PCDH9: variants seen among roughly 807,000 people sequenced by gnomAD.
PCDH9 encodes protocadherin 9.
A neutral mutation model predicts 70.6 loss-of-function variants in PCDH9; 24 were observed. The ratio of observed to expected loss-of-function variants is 0.34; its 90% CI spans 0.25 to 0.48. PCDH9 has a LOEUF of 0.48. Among genes scored for constraint, PCDH9 ranks in the 20% least tolerant of loss-of-function variants. The pLI is 0.99. For synonymous variants in PCDH9, 562 were observed against 558.5 expected, an observed-to-expected ratio of 1.01 and a Z score of -0.09; for missense variants, 1,281 against 1,503.6, an observed-to-expected ratio of 0.85 and a Z score of 2.45.
intron 2 of PCDH9, among the ~76,000 whole-genome samples, chr13:66,930,687 T>A (rs893914358): frequency 6.6e-6 from 1 of 152,006 alleles, no homozygotes; most frequent in Non-Finnish European, 1.5e-5. Flanking sequence ...TCTAGAGACA[T>A]ACAAGAATGT....
At chr13:66,425,794 A>G (rs114146643) in intron 4 of PCDH9, among the ~76,000 whole-genome samples, 1,794 of 151,730 alleles carry the variant, frequency 0.012, 34 homozygotes, top group African/African-American at 0.04. Flanking sequence ...CTTATCATAC[A>G]TTGGATGAAT....
chr13:66,636,374 A>G (rs2077637439), intron 3 of PCDH9, among the ~76,000 whole-genome samples: 1 of 152,078 alleles, frequency 6.6e-6, no homozygotes, highest in Non-Finnish European at 1.5e-5. Flanking sequence ...CTTTTCTGTT[A>G]TTCTAACTTC....
At chr13:66,816,376 T>A (rs2080605056) in intron 3 of PCDH9, among the ~76,000 whole-genome samples, 1 of 152,100 alleles carries the variant, frequency 6.6e-6, no homozygotes, top group African/African-American at 2.4e-5. Flanking sequence ...GATCAATTGA[T>A]AATATAGCCC....
At chr13:66,824,814 T>G (rs964069456) in intron 3 of PCDH9, among the ~76,000 whole-genome samples, 5 of 151,088 alleles carry the variant, frequency 3.3e-5, no homozygotes, top group Admixed American at 3.3e-4. Flanking sequence ...AACAAAATGA[T>G]CAAGGTGAGA....
In PCDH9 at chr13:67,000,046, G is replaced by A. The variant is rs1442976452; in HGVS notation, c.3037-96441C>T. Among the ~76,000 whole-genome samples, 9 of 152,142 alleles carry A rather than the reference G, an allele frequency of 5.9e-5. No individual in the cohort carries two copies. The East Asian group carries it at 7.7e-4, about 13-fold the overall frequency. ...ACACATGCACACGTATGTTTATTGCGGCACTATTCACAATAGCAAAGATTT... is the reference window on the plus strand; with the variant it reads ...ACACATGCACACGTATGTTTATTGCAGCACTATTCACAATAGCAAAGATTT... On this transcript the variant is annotated intron_variant, in intron 2 of 4. Coordinates refer to ENST00000377865, the MANE Select transcript of PCDH9 (RefSeq NM_203487.3).
At chr13:66,359,182 T>C (rs1956429382) in intron 4 of PCDH9, among the ~76,000 whole-genome samples, 1 of 152,058 alleles carries the variant, frequency 6.6e-6, no homozygotes, top group African/African-American at 2.4e-5. Flanking sequence ...TTTAATTCAA[T>C]ATCTAAAAAC....
At chr13:66,763,750 GT>G (rs2079665135) in intron 3 of PCDH9, among the ~76,000 whole-genome samples, 1 of 151,902 alleles carries the variant, frequency 6.6e-6, no homozygotes, top group Non-Finnish European at 1.5e-5. Context: ...TATACCTCAA[GT>G]TTTTTTAATA....
At chr13:66,625,661 ATTT>A (rs56865546) in intron 4 of PCDH9, among the ~76,000 whole-genome samples, 1,761 of 122,918 alleles carry the variant, frequency 0.014, 37 homozygotes, top group African/African-American at 0.047. Flanking sequence ...ATATAGTGGA[ATTT>A]TTTTTTTTTT....
At chr13:67,189,483 C>T (rs1594633423) in intron 2 of PCDH9, among the ~76,000 whole-genome samples, 1 of 151,994 alleles carries the variant, frequency 6.6e-6, no homozygotes, top group East Asian at 1.9e-4. Flanking sequence ...ACTTTTAATT[C>T]TAAATTTAAA....
intron 4 of PCDH9, among the ~76,000 whole-genome samples, chr13:66,450,861 C>CA (rs1958193118): frequency 6.6e-6 from 1 of 151,944 alleles, no homozygotes; most frequent in Non-Finnish European, 1.5e-5. Context: ...TAAAGAAATA[C>CA]AAAAAAATTA....
chr13:66,851,998 G>A (rs1268484916), intron 3 of PCDH9, among the ~76,000 whole-genome samples: 1 of 151,880 alleles, frequency 6.6e-6, no homozygotes, highest in African/African-American at 2.4e-5. Context: ...GGTATGAAGA[G>A]AGAGCTCTGG....
intron 2 of PCDH9, among the ~76,000 whole-genome samples, chr13:67,174,048 T>C (rs2088371617): frequency 6.6e-6 from 1 of 152,184 alleles, no homozygotes; most frequent in Non-Finnish European, 1.5e-5. Context: ...TTTCTAGATG[T>C]AATAAAAATT....
intron 4 of PCDH9, among the ~76,000 whole-genome samples, chr13:66,512,419 T>C (rs550656608): frequency 5.3e-5 from 8 of 152,112 alleles, no homozygotes; most frequent in African/African-American, 1.7e-4. Context: ...ATAGTTAATG[T>C]TCCCTTTGAG....
rs374181732 is a variant in PCDH9 at position 66,548,139 on chromosome 13, C to T, written c.3340+83071G>A. On this transcript the variant is annotated intron_variant, in intron 4 of 4. Transcript: ENST00000377865. ...GTATGCCAAAACTTAACACTGAAGTCTTCTGGAATCGACATTTTAAATTTT... is the reference window on the plus strand; with the variant it reads ...GTATGCCAAAACTTAACACTGAAGTTTTCTGGAATCGACATTTTAAATTTT... Among the ~76,000 whole-genome samples the T allele has an allele frequency of 1.1e-4, 16 of 151,860 alleles. 1 individual carries two copies. In the East Asian group the frequency reaches 2.1e-3, roughly 20 times the overall value.
At position 67,176,902 on chromosome 13, in the gene PCDH9, T is replaced by C. The variant is rs75606557; in HGVS notation, c.3036+48503A>G. Among the ~76,000 whole-genome samples, 78 of 152,240 alleles carry C rather than the reference T, an allele frequency of 5.1e-4. No homozygotes were observed. In the East Asian group the frequency reaches 0.011, roughly 21 times the overall value. On this transcript the variant is annotated intron_variant, in intron 2 of 4. Transcript: ENST00000377865. The stretch of plus-strand genomic sequence containing the variant: ...TTACAAAATAATTAAGAATATATGC[T>C]ATAGGGATTTGCTGTTGGGTAAGAA...
At chr13:67,016,307 T>C (rs1384787077) in intron 2 of PCDH9, among the ~76,000 whole-genome samples, 1 of 152,178 alleles carries the variant, frequency 6.6e-6, no homozygotes, top group African/African-American at 2.4e-5. Flanking sequence ...TTAAAAACAC[T>C]TACTCTGAAT....
At chr13:66,392,236 C>G (rs1720954783) in intron 4 of PCDH9, among the ~76,000 whole-genome samples, 8 of 151,268 alleles carry the variant, frequency 5.3e-5, no homozygotes, top group Admixed American at 4.6e-4. Context: ...ATAAATTTAG[C>G]TAATCATTTA....
chr13:66,671,264 T>C (rs778292305), intron 3 of PCDH9, among the ~76,000 whole-genome samples: 21 of 152,194 alleles, frequency 1.4e-4, no homozygotes, highest in Admixed American at 2.6e-4. Flanking sequence ...GTCTTCGGTA[T>C]TTCTTCATAG....
intron 3 of PCDH9, among the ~76,000 whole-genome samples, chr13:66,870,226 T>C (rs544034057): frequency 6.6e-6 from 1 of 152,146 alleles, no homozygotes; most frequent in African/African-American, 2.4e-5. Context: ...AAATATCAGA[T>C]AGTTGTAGAT....
Sources: gnomAD v4.1 joint callset for allele counts (sites outside exome capture counted in the v4.1 genomes callset) on GRCh38, gnomAD v4.1.1 for gene constraint, MANE v1.5 for transcripts, NCBI Gene and HGNC (gene_info 2026-07-23, HGNC 2026-07-21) for gene names.